The following ANKIB1 variants were observed in gnomAD, a reference collection of about 807,000 sequenced individuals.
ANKIB1 encodes the protein ankyrin repeat and IBR domain-containing protein 1.
In ANKIB1, 43 loss-of-function variants were observed where a neutral mutation model predicts 122.1. The ratio of observed to expected loss-of-function variants is 0.35; its 90% CI spans 0.28 to 0.45. The LOEUF (loss-of-function observed/expected upper bound fraction) is 0.45, where lower values mean the gene tolerates loss of function less well. Ranked by LOEUF, ANKIB1 falls within the 20% of genes least tolerant of loss-of-function variation. ANKIB1 has a pLI of 1.00. For synonymous variants in ANKIB1, 390 were observed against 442.0 expected, an observed-to-expected ratio of 0.88 and a Z score of 1.48; for missense variants, 992 against 1,329.5, an observed-to-expected ratio of 0.75 and a Z score of 3.95.
At chr7:92,328,834 A>G (rs1397135943) in intron 5 of ANKIB1, among the ~76,000 whole-genome samples, 5 of 150,866 alleles carry the variant, frequency 3.3e-5, no homozygotes, top group Non-Finnish European at 5.9e-5. Flanking sequence ...AAAACTCCCT[A>G]TTTTATCATT....
intron 2 of ANKIB1, among the ~76,000 whole-genome samples, chr7:92,300,208 C>G (rs1802433453): frequency 1.3e-5 from 2 of 152,160 alleles, no homozygotes. Context: ...CTGTCCCTGT[C>G]ATGTGGTTAT....
chr7:92,312,714 T>G (rs1198751451), intron 3 of ANKIB1, among the ~76,000 whole-genome samples: 2 of 152,168 alleles, frequency 1.3e-5, no homozygotes, highest in Non-Finnish European at 2.9e-5. Flanking sequence ...GAAGCTTATT[T>G]TAAATATGTA....
chr7:92,271,461 A>G (rs1441588551), intron 1 of ANKIB1, among the ~76,000 whole-genome samples: 1 of 152,160 alleles, frequency 6.6e-6, no homozygotes, highest in Non-Finnish European at 1.5e-5. Context: ...CTTTCCATAC[A>G]AATTTTGGAA....
At chr7:92,368,052 A>C (rs1157834090) in intron 10 of ANKIB1, among the ~76,000 whole-genome samples, 1 of 152,106 alleles carries the variant, frequency 6.6e-6, no homozygotes, top group Non-Finnish European at 1.5e-5. Flanking sequence ...GCTACTTGGG[A>C]AGCTGAGGTA....
At position 92,386,500 on chromosome 7, in the gene ANKIB1, C is replaced by T; in HGVS notation, c.1618-9C>T. On this transcript the variant is annotated splice_polypyrimidine_tract_variant and intron_variant, in intron 11 of 19. Coordinates refer to ENST00000265742, the MANE Select transcript of ANKIB1 (RefSeq NM_019004.2). ...GGGGAGATGTTTTCATCTGTGTTTTCTTTTGAAGTGCAAGTATGACTTTTG... is the reference window on the plus strand; with the variant it reads ...GGGGAGATGTTTTCATCTGTGTTTTTTTTTGAAGTGCAAGTATGACTTTTG... The T allele has an allele frequency of 6.3e-7, 1 of 1,580,184 alleles. No individual in the cohort carries two copies. Among genetic ancestry groups the T allele is most frequent in the Non-Finnish European group, 8.6e-7 (1 of 1,166,484 alleles).
chr7:92,368,459 G>A (rs1445481192), intron 10 of ANKIB1, among the ~76,000 whole-genome samples: 9 of 152,014 alleles, frequency 5.9e-5, no homozygotes, highest in Non-Finnish European at 1.3e-4. Context: ...ACTCATGCCT[G>A]TAATCCCAGT....
rs548153190 is a variant in ANKIB1, at chr7:92,258,887, G to A, written c.-91+12368G>A. 2.0e-5 allele frequency among the ~76,000 whole-genome samples: 3 copies of A among 152,238 alleles called. No individual in the cohort carries two copies. In the East Asian group the frequency reaches 5.8e-4, roughly 29 times the overall value. On this transcript the variant is annotated intron_variant, in intron 1 of 19. Transcript: ENST00000265742. ...ATTTGGAATTTTTTGCCCTTAGATG[G>A]AAGTAGCATCAACCACACATCAAAG... is the stretch of plus-strand genomic sequence containing the variant.
Position 92,397,193 on chromosome 7 carries a change from G to A in ANKIB1, c.2396-530G>A, listed in dbSNP as rs368453422. ...AGAACTATATAGACTGCAAGCAAAA[G>A]TGTAAAAAAGTCAGCCAGGCACGGT... On this transcript the variant is annotated intron_variant, in intron 18 of 19. Coordinates refer to ENST00000265742, the MANE Select transcript of ANKIB1 (RefSeq NM_019004.2). Among the ~76,000 whole-genome samples the A allele has an allele frequency of 3.2e-4, 48 of 152,172 alleles. 1 individual carries two copies. Among genetic ancestry groups the A allele is most frequent in the African/African-American group, 9.9e-4 (41 of 41,550 alleles).
At chr7:92,373,445 G>A (rs1804316717) in intron 11 of ANKIB1, among the ~76,000 whole-genome samples, 1 of 152,088 alleles carries the variant, frequency 6.6e-6, no homozygotes, top group African/African-American at 2.4e-5. Flanking sequence ...CTAATATAAG[G>A]TAATCCAACT....
At chr7:92,322,282 G>A (rs1802928458) in intron 4 of ANKIB1, among the ~76,000 whole-genome samples, 6 of 151,800 alleles carry the variant, frequency 4.0e-5, no homozygotes, top group Admixed American at 3.9e-4. Flanking sequence ...ATAATAGTAG[G>A]CATTATCAGT....
chr7:92,247,936 A>G (rs934663986), intron 1 of ANKIB1, among the ~76,000 whole-genome samples: 2 of 152,156 alleles, frequency 1.3e-5, no homozygotes, highest in Non-Finnish European at 2.9e-5. Context: ...TCTGATTTGT[A>G]ACTTCTCACT....
At chr7:92,354,075 A>G (rs1411221112) in intron 9 of ANKIB1, among the ~76,000 whole-genome samples, 1 of 152,178 alleles carries the variant, frequency 6.6e-6, no homozygotes, top group Admixed American at 6.5e-5. Flanking sequence ...AGCTTTTACC[A>G]GTTTTCAGTG....
intron 1 of ANKIB1, among the ~76,000 whole-genome samples, chr7:92,290,755 G>GC (rs1802229396): frequency 3.3e-5 from 5 of 152,132 alleles, no homozygotes. Flanking sequence ...TATCAATGGT[G>GC]CAGTTGGGAG....
At chr7:92,261,757 C>T (rs1289519416) in intron 1 of ANKIB1, among the ~76,000 whole-genome samples, 5 of 152,146 alleles carry the variant, frequency 3.3e-5, no homozygotes, top group Admixed American at 3.3e-4. Flanking sequence ...CACAGAAGCA[C>T]CTTGCTCTCT....
At chr7:92,352,353 A>G (rs1228737971) in intron 8 of ANKIB1, 123 bp from the exon 9 acceptor site, 1 of 1,013,682 alleles carries the variant, frequency 9.9e-7, no homozygotes, top group Admixed American at 3.3e-5. Flanking sequence ...TGACAACTCC[A>G]TGCATTTTAT....
chr7:92,396,299 C>T, intron 17 of ANKIB1, 66 bp from the exon 18 acceptor site: 1 of 890,992 alleles, frequency 1.1e-6, no homozygotes, highest in Non-Finnish European at 1.8e-6. Flanking sequence ...AAAGTGTGTA[C>T]TTTGTTTTAT....
At chr7:92,253,010 T>G (rs1320137362) in intron 1 of ANKIB1, among the ~76,000 whole-genome samples, 2 of 152,122 alleles carry the variant, frequency 1.3e-5, no homozygotes, top group African/African-American at 4.8e-5. Context: ...CAAGCCGTCA[T>G]AAAAGACAGA....
intron 4 of ANKIB1, among the ~76,000 whole-genome samples, chr7:92,325,772 ATT>A (rs993345870): frequency 6.6e-6 from 1 of 152,174 alleles, no homozygotes; most frequent in Non-Finnish European, 1.5e-5. Context: ...GAAGAGAACT[ATT>A]TTATGATAAT....
chr7:92,284,333 G>C (rs1802072234), intron 1 of ANKIB1, among the ~76,000 whole-genome samples: 1 of 152,146 alleles, frequency 6.6e-6, no homozygotes, highest in South Asian at 2.1e-4. Context: ...AAATTTCCTA[G>C]TAGACTCTGC....
Sources: gnomAD v4.1 joint callset for allele counts (sites outside exome capture counted in the v4.1 genomes callset) on GRCh38, gnomAD v4.1.1 for gene constraint, MANE v1.5 for transcripts, NCBI Gene and HGNC (gene_info 2026-07-23, HGNC 2026-07-21) for gene names.